Variants in CFAP184 observed in about 807,000 individuals in gnomAD.
The protein encoded by CFAP184 is cilia and flagella associated protein 184, also known as cilia- and flagella-associated protein 184.
the CFAP184 span, chr4:7,041,742 CA>C: frequency 3.1e-6 from 5 of 1,614,022 alleles, no homozygotes; most frequent in Non-Finnish European, 3.4e-6. Context: ...GACCCTGGGT[CA>C]GGTCCTCCTG....
At chr4:7,042,183 C>T in the CFAP184 span, 10 of 1,600,392 alleles carry the variant, frequency 6.2e-6, no homozygotes, top group Non-Finnish European at 8.5e-6. Flanking sequence ...CCTCGAAGAT[C>T]TTGTGCTGCA....
chr4:7,041,882 C>T, the CFAP184 span: 2 of 1,611,064 alleles, frequency 1.2e-6, no homozygotes, highest in Non-Finnish European at 1.7e-6. Flanking sequence ...CGCAGAGCAG[C>T]CTGGCGCCCG....
At chr4:7,041,270 G>T in the CFAP184 span, 1 of 1,586,188 alleles carries the variant, frequency 6.3e-7, no homozygotes, top group East Asian at 2.2e-5. Context: ...CATCGATCTG[G>T]TCAAGAAGGG....
chr4:7,042,786 C>T, the CFAP184 span: 2 of 1,550,044 alleles, frequency 1.3e-6, no homozygotes, highest in African/African-American at 1.4e-5. Flanking sequence ...CTTGCTCCTC[C>T]TCCTCCTCCT....
At chr4:7,041,912 C>T in the CFAP184 span, 21 of 1,612,616 alleles carry the variant, frequency 1.3e-5, no homozygotes, top group Admixed American at 1.5e-4. Context: ...CGACAGCTGC[C>T]CATGGCCTGC....
At chr4:7,042,979 G>A in the CFAP184 span, 1 of 1,385,680 alleles carries the variant, frequency 7.2e-7, no homozygotes, top group South Asian at 1.8e-5. Flanking sequence ...CCGGCAGGAC[G>A]CTGTTAGGTT....
chr4:7,040,998 C>T, the CFAP184 span: 1 of 382,692 alleles, frequency 2.6e-6, no homozygotes, highest in Non-Finnish European at 4.7e-6. Context: ...ATTGCTCAGA[C>T]TTGAGACTTT....
chr4:7,042,775 G>A, the CFAP184 span: 4 of 1,542,264 alleles, frequency 2.6e-6, no homozygotes, highest in Non-Finnish European at 2.6e-6. Flanking sequence ...CTGCGAAGCC[G>A]CTTGCTCCTC....
chr4:7,041,462 T>A, the CFAP184 span: 5 of 1,614,200 alleles, frequency 3.1e-6, no homozygotes, highest in Non-Finnish European at 4.2e-6. Context: ...TTCAGTCTGA[T>A]GTTGTCCGTC....
chr4:7,042,856 A>G, the CFAP184 span: 10 of 1,573,072 alleles, frequency 6.4e-6, no homozygotes, highest in Non-Finnish European at 8.6e-6. Flanking sequence ...GCTGGCCTTG[A>G]TCTTGGACGG....
At chr4:7,041,740 G>A in the CFAP184 span, 1 of 1,614,036 alleles carries the variant, frequency 6.2e-7, no homozygotes. Flanking sequence ...CAGACCCTGG[G>A]TCAGGTCCTC....
chr4:7,041,538 G>T, the CFAP184 span: 1 of 1,614,250 alleles, frequency 6.2e-7, no homozygotes, highest in Non-Finnish European at 8.5e-7. Flanking sequence ...CCTGGGCCTC[G>T]ATTTCTGCCA....
At chr4:7,042,952 G>C in the CFAP184 span, 3 of 1,413,056 alleles carry the variant, frequency 2.1e-6, no homozygotes, top group African/African-American at 1.5e-5. Context: ...CTCCCGGCTC[G>C]GCCAGCGCAG....
At chr4:7,042,383 C>A in the CFAP184 span, 2 of 1,612,110 alleles carry the variant, frequency 1.2e-6, no homozygotes, top group Non-Finnish European at 8.5e-7. Flanking sequence ...CCTTCCCCAT[C>A]CCTCTCCTTG....
the CFAP184 span, chr4:7,042,626 C>T: frequency 4.5e-5 from 68 of 1,510,670 alleles, no homozygotes; most frequent in Non-Finnish European, 5.8e-5. Flanking sequence ...GGCTCCTCAG[C>T]CCCAACCTCG....
the CFAP184 span, chr4:7,042,505 G>C: frequency 6.2e-7 from 1 of 1,608,926 alleles, no homozygotes; most frequent in Non-Finnish European, 8.5e-7. Context: ...CCTGGTCAGC[G>C]GCAGAGAGGC....
chr4:7,042,341 G>C, the CFAP184 span: 2 of 1,607,078 alleles, frequency 1.2e-6, no homozygotes, highest in East Asian at 4.5e-5. Context: ...CCATAGAGGC[G>C]CTTCCCCTCT....
the CFAP184 span, chr4:7,041,173 A>C: frequency 6.7e-7 from 1 of 1,485,228 alleles, no homozygotes. Flanking sequence ...GTCCCGTCCC[A>C]AATGACACAG....
the CFAP184 span, chr4:7,041,385 G>C: frequency 6.2e-7 from 1 of 1,614,228 alleles, no homozygotes; most frequent in East Asian, 2.2e-5. Flanking sequence ...GAAGCAGTTC[G>C]GTCTTGTCCA....
Sources: allele counts gnomAD v4.1 joint callset, GRCh38; gene constraint gnomAD v4.1.1; transcripts MANE v1.5; gene names NCBI Gene and HGNC (gene_info 2026-07-23, HGNC 2026-07-21).